The following P2RX5 variants were observed in gnomAD, a reference collection of about 807,000 sequenced individuals.
P2RX5 encodes the protein P2X purinoceptor 5.
P2RX5 carries 46 observed loss-of-function variants against 54.1 expected under a neutral mutation model. The ratio of observed to expected loss-of-function variants is 0.85; its 90% CI spans 0.67 to 1.09. P2RX5 has a LOEUF of 1.09. Among genes scored for constraint, P2RX5 ranks in the 50% least tolerant of loss-of-function variants. The pLI, the probability that P2RX5 is intolerant of heterozygous loss-of-function variation, is 0.00. For synonymous variants in P2RX5, 226 were observed against 226.4 expected (o/e 1.00, Z 0.02); for missense variants, 566 against 549.8 (o/e 1.03, Z -0.29).
At chr17:3,701,717 AAAG>A in the P2RX5 span, among the ~76,000 whole-genome samples, 1 of 148,668 alleles carries the variant, frequency 6.7e-6, no homozygotes, top group African/African-American at 2.5e-5. Context: ...AAAAAAAAAA[AAAG>A]GAACTTCTAA....
chr17:3,678,551 A>C (rs1567728871), intron 11 of P2RX5, among the ~76,000 whole-genome samples: 1 of 152,186 alleles, frequency 6.6e-6, no homozygotes, highest in Non-Finnish European at 1.5e-5. Flanking sequence ...ACGGACCCCT[A>C]GCCTCCAGCC....
chr17:3,696,734 A>C (rs921483807), upstream of P2RX5, among the ~76,000 whole-genome samples: 1 of 152,100 alleles, frequency 6.6e-6, no homozygotes, highest in Non-Finnish European at 1.5e-5. Context: ...GCCACCGCGC[A>C]CGGCCGGGAA....
chr17:3,710,693 C>T, the P2RX5 span, among the ~76,000 whole-genome samples: 1 of 151,866 alleles, frequency 6.6e-6, no homozygotes, highest in Non-Finnish European at 1.5e-5. Context: ...TTTGGGAAGC[C>T]GAGGTGAGCG....
chr17:3,683,593 G>C (rs546687131), intron 9 of P2RX5, among the ~76,000 whole-genome samples: 1 of 152,252 alleles, frequency 6.6e-6, no homozygotes, highest in South Asian at 2.1e-4. Context: ...AACCGGGCGC[G>C]GTGGCGCACG....
intron 1 of P2RX5, among the ~76,000 whole-genome samples, chr17:3,693,449 A>G (rs889324478): frequency 5.3e-5 from 8 of 152,186 alleles, no homozygotes; most frequent in African/African-American, 1.9e-4. Flanking sequence ...AGAGATTGAG[A>G]ACATGGCCAG....
chr17:3,715,456 G>A, the P2RX5 span, among the ~76,000 whole-genome samples: 1 of 152,156 alleles, frequency 6.6e-6, no homozygotes, highest in African/African-American at 2.4e-5. Flanking sequence ...CGCTTTCAGG[G>A]AAGACAGTGA....
the P2RX5 span, among the ~76,000 whole-genome samples, chr17:3,712,321 T>C: frequency 1.3e-5 from 2 of 152,278 alleles, no homozygotes; most frequent in East Asian, 1.9e-4. Flanking sequence ...GGGAAGCAGA[T>C]GGTGCCCAAC....
the P2RX5 span, chr17:3,721,722 A>G: frequency 8.5e-5 from 13 of 152,216 alleles, no homozygotes; most frequent in Non-Finnish European, 1.6e-4. Context: ...CCACTTTAGA[A>G]TAAGTGATCA....
chr17:3,715,248 T>C, the P2RX5 span, among the ~76,000 whole-genome samples: 40 of 152,222 alleles, frequency 2.6e-4, 1 homozygote, highest in Non-Finnish European at 1.0e-4. Context: ...ATCTTATTTA[T>C]GCAAAAATAC....
chr17:3,677,961 CTG>C (rs1567728550), intron 11 of P2RX5: 1 of 985,334 alleles, frequency 1.0e-6, no homozygotes, highest in East Asian at 1.1e-4. Flanking sequence ...GGAGAGATGG[CTG>C]TGCCTGGAAG....
intron 2 of P2RX5, 95 bp from the exon 3 acceptor site, chr17:3,691,122 C>T (rs1430899246): frequency 2.1e-6 from 2 of 945,198 alleles, no homozygotes; most frequent in African/African-American, 1.6e-5. Flanking sequence ...GTCCCTCTGC[C>T]TGGGTTTTGG....
In P2RX5 at chr17:3,690,523, C is replaced by A. The variant is rs928946096; in HGVS notation, c.437G>T (p.Gly146Val). Reference sequence around the variant, plus strand: ...CCGCAGGCAGCGGCCGGTCTTCACTCCTGCAGGGGTGGGACAGGATCAATG... The same window carrying A: ...CCGCAGGCAGCGGCCGGTCTTCACTACTGCAGGGGTGGGACAGGATCAATG... ...HAGEAVTAGN[G>V]VKTGRCLRRE... The change falls in exon 5 of 12, where the codon GGA (glycine) becomes GTA (valine). Residue 146 changes from glycine to valine, a missense_variant and splice_region_variant. By Grantham distance (109) the Gly-to-Val change is moderately radical. Coordinates refer to ENST00000225328, the MANE Select transcript of P2RX5 (RefSeq NM_002561.4). 6.2e-7 allele frequency: 1 copy of A among 1,613,570 alleles called. No homozygotes were observed. The highest frequency in any genetic ancestry group is 1.1e-5 in the South Asian group (1 of 91,084).
At chr17:3,677,088 G>A in intron 11 of P2RX5, 2 of 985,152 alleles carry the variant, frequency 2.0e-6, no homozygotes, top group Non-Finnish European at 2.4e-6. Context: ...AAAAAGCAAG[G>A]CCCTACAGCG....
the P2RX5 span, among the ~76,000 whole-genome samples, chr17:3,716,143 C>T: frequency 3.3e-5 from 5 of 150,812 alleles, no homozygotes; most frequent in Admixed American, 3.3e-4. Flanking sequence ...CGCACTCAAG[C>T]CTGGGCGAAA....
the P2RX5 span, among the ~76,000 whole-genome samples, chr17:3,704,637 T>A: frequency 6.6e-6 from 1 of 152,186 alleles, no homozygotes; most frequent in African/African-American, 2.4e-5. Context: ...ATATTTGAAC[T>A]GAGGAAAATT....
At chr17:3,705,201 T>A in the P2RX5 span, among the ~76,000 whole-genome samples, 1 of 152,136 alleles carries the variant, frequency 6.6e-6, no homozygotes, top group African/African-American at 2.4e-5. Context: ...AGGACTGTGG[T>A]GATGCAATGA....
At chr17:3,678,457 G>A (rs554935382) in intron 11 of P2RX5, among the ~76,000 whole-genome samples, 1 of 152,362 alleles carries the variant, frequency 6.6e-6, no homozygotes, top group Non-Finnish European at 1.5e-5. Context: ...CGCTTGCTCA[G>A]AATGGGAGCT....
the P2RX5 span, chr17:3,723,215 C>CTATTAT: frequency 9.9e-7 from 1 of 1,010,750 alleles, no homozygotes; most frequent in African/African-American, 1.6e-5. Flanking sequence ...TGCAAAGATG[C>CTATTAT]TATTATCTCT....
chr17:3,714,596 GTAATACTGTATTTCCAGAT>G, the P2RX5 span: 1 of 361,012 alleles, frequency 2.8e-6, no homozygotes, highest in South Asian at 7.2e-5. Flanking sequence ...CAAATCCTAA[GTAATACTGTATTTCCAGAT>G]TAAAGGCACT....
Sources: gnomAD v4.1 joint callset for allele counts (sites outside exome capture counted in the v4.1 genomes callset) on GRCh38, gnomAD v4.1.1 for gene constraint, MANE v1.5 for transcripts, NCBI Gene and HGNC (gene_info 2026-07-23, HGNC 2026-07-21) for gene names.